The following USP15 variants were observed in gnomAD, a reference collection of about 807,000 sequenced individuals.
USP15 encodes ubiquitin carboxyl-terminal hydrolase 15.
In USP15, 18 loss-of-function variants were observed where a neutral mutation model predicts 127.1. The observed-to-expected ratio is 0.14, with a 90% CI of 0.10 to 0.21. USP15 has a LOEUF of 0.21. USP15 is among the 10% of genes least tolerant of loss of function. The probability of loss-of-function intolerance (pLI) is 1.00; values close to 1 mark genes in which losing one functional copy is unlikely to be tolerated. For missense variants in USP15, 805 were observed against 1,159.9 expected (o/e 0.69, Z 4.44); for synonymous variants, 364 against 393.7 (o/e 0.92, Z 0.89).
intron 2 of USP15, among the ~76,000 whole-genome samples, chr12:62,300,110 T>C (rs1309419705): frequency 6.6e-6 from 1 of 152,142 alleles, no homozygotes; most frequent in Non-Finnish European, 1.5e-5. Flanking sequence ...GCTTTTTATA[T>C]TCTTGATGGT....
Position 62,416,003 on chromosome 12 carries a change from G to C in USP15, c.*11628G>C, listed in dbSNP as rs1383965811. The C allele has an allele frequency of 6.6e-6, 1 of 152,206 alleles. No individual in the cohort carries two copies. The highest frequency in any genetic ancestry group is 1.5e-5 in the Non-Finnish European group (1 of 68,038). 9.4% of individuals were successfully genotyped at this position (152,206 alleles called of 1,614,324 possible). On this transcript the variant is annotated 3_prime_UTR_variant, in exon 22 of 22. Transcript: ENST00000280377. Reference sequence around the variant, plus strand: ...ACTTTCTTTAGCAAGAGAGCAAAGAGTATGGTACAGTCAGTCCACCCAGGT... The same window carrying C: ...ACTTTCTTTAGCAAGAGAGCAAAGACTATGGTACAGTCAGTCCACCCAGGT...
In USP15 at chr12:62,360,962, CA is replaced by C. The variant is rs796917545; in HGVS notation, c.915+5499del. Reference sequence around the variant, plus strand: ...GGTCATCTATCCATTTTGATAAAAGCAAAAAAAAAAAATGTAAACAACCTTA... The same window carrying C: ...GGTCATCTATCCATTTTGATAAAAGCAAAAAAAAAAATGTAAACAACCTTA... On this transcript the variant is annotated intron_variant, in intron 8 of 21. Transcript: ENST00000280377. Among the ~76,000 whole-genome samples the C allele has an allele frequency of 7.5e-3, 1,027 of 137,544 alleles. 9 individuals carry two copies. Among genetic ancestry groups the C allele is most frequent in the African/African-American group, 0.019 (730 of 37,818 alleles). The allele number at this position is 137,544 out of a possible 152,430, so 90.2% of individuals were successfully genotyped here.
chr12:62,305,895 C>T (rs2064471838), intron 3 of USP15: 1 of 152,222 alleles, frequency 6.6e-6, no homozygotes, highest in Non-Finnish European at 1.5e-5. Flanking sequence ...CCGCGGCTTA[C>T]ATCTTGGGTG....
At chr12:62,350,214 C>G (rs2065928848) in intron 7 of USP15, among the ~76,000 whole-genome samples, 1 of 151,526 alleles carries the variant, frequency 6.6e-6, no homozygotes, top group South Asian at 2.1e-4. Flanking sequence ...TGAGTAAATT[C>G]TAAAAGACTA....
chr12:62,374,322 A>G, intron 8 of USP15: 1 of 938,240 alleles, frequency 1.1e-6, no homozygotes, highest in Non-Finnish European at 1.3e-6. Context: ...GATTAGTTAT[A>G]GAATGAGTTA....
chr12:62,265,360 ATTGACTTAT>A (rs1017261323), intron 1 of USP15, among the ~76,000 whole-genome samples: 1 of 152,180 alleles, frequency 6.6e-6, no homozygotes, highest in African/African-American at 2.4e-5. Context: ...ATAAATGCAT[ATTGACTTAT>A]TTACTCATCA....
At chr12:62,382,302 C>T (rs1395354086) in intron 9 of USP15, among the ~76,000 whole-genome samples, 2 of 151,698 alleles carry the variant, frequency 1.3e-5, no homozygotes, top group African/African-American at 4.8e-5. Flanking sequence ...TAAAAAAATG[C>T]CTACTTAATT....
intron 11 of USP15, among the ~76,000 whole-genome samples, chr12:62,388,068 T>C (rs944880619): frequency 4.0e-5 from 6 of 151,728 alleles, no homozygotes; most frequent in African/African-American, 1.5e-4. Context: ...GGTATTCTGC[T>C]GATATTAAGG....
intron 1 of USP15, among the ~76,000 whole-genome samples, chr12:62,272,104 G>A (rs1207228721): frequency 2.0e-5 from 3 of 151,488 alleles, no homozygotes; most frequent in African/African-American, 7.3e-5. Context: ...AATACTAGAT[G>A]CTGCCAGTAT....
At chr12:62,286,966 A>G (rs55938311) in intron 1 of USP15, among the ~76,000 whole-genome samples, 12,099 of 151,742 alleles carry the variant, frequency 0.08, 590 homozygotes, top group Middle Eastern at 0.16. Context: ...ATACATATAT[A>G]CCATGCAATA....
At chr12:62,277,404 T>G (rs997432914) in intron 1 of USP15, 9 of 152,328 alleles carry the variant, frequency 5.9e-5, no homozygotes, top group Admixed American at 5.9e-4. Context: ...GTTACCATAC[T>G]GAATAGTGTA....
chr12:62,302,852 A>C lies in USP15; in HGVS notation c.280A>C (p.Thr94Pro), dbSNP rs1179354492. The C allele has an allele frequency of 6.2e-7, 1 of 1,613,212 alleles. No homozygotes were observed. Among genetic ancestry groups the C allele is most frequent in the Non-Finnish European group, 8.5e-7 (1 of 1,179,388 alleles). ...IDELDYILLP[T>P]EGWNKLVSWY... ...TGAATTGGATTACATACTGTTGCCA[A>C]CTGAAGGTTGGAATAAACTTGTCAG... The change falls in exon 3 of 22, where the codon ACT becomes CCT. Residue 94 changes from threonine to proline, a missense_variant. Transcript: ENST00000280377.
At chr12:62,389,283 C>T in intron 11 of USP15, 148 bp from the exon 12 acceptor site, 1 of 633,376 alleles carries the variant, frequency 1.6e-6, no homozygotes, top group Non-Finnish European at 2.7e-6. Flanking sequence ...TGGGCATTGT[C>T]ACACAGGACC....
At chr12:62,401,602 C>T (rs2137669062) in intron 21 of USP15, among the ~76,000 whole-genome samples, 1 of 151,728 alleles carries the variant, frequency 6.6e-6, no homozygotes, top group East Asian at 1.9e-4. Context: ...TACTTAAAGC[C>T]AGAATGTTTA....
At position 62,314,858 on chromosome 12, in the gene USP15, T is replaced by C; in HGVS notation, c.417T>C (p.Cys139=). 5.6e-6 allele frequency: 9 copies of C among 1,599,286 alleles called. No individual in the cohort carries two copies. The highest frequency in any genetic ancestry group is 7.7e-6 in the Non-Finnish European group (9 of 1,172,820). The change falls in exon 4 of 22, where the codon TGT becomes TGC. Residue 139 remains cysteine, a synonymous_variant. Transcript: ENST00000280377. ...TATATCTCACAGAATTGAAGCTATGTGAAAATGGAAACATGAATAATGTTG... is the reference window on the plus strand; with the variant it reads ...TATATCTCACAGAATTGAAGCTATGCGAAAATGGAAACATGAATAATGTTG... ...VEVYLTELKL[C]ENGNMNNVVT...
At chr12:62,369,460 A>C (rs1188720034) in intron 8 of USP15, among the ~76,000 whole-genome samples, 1 of 136,146 alleles carries the variant, frequency 7.3e-6, no homozygotes. Flanking sequence ...TTTATATGCC[A>C]ACTGGTTTTT....
chr12:62,271,426 G>T (rs1260100773), intron 1 of USP15, among the ~76,000 whole-genome samples: 1 of 151,894 alleles, frequency 6.6e-6, no homozygotes, highest in East Asian at 1.9e-4. Flanking sequence ...TGTTTTGATG[G>T]TATGTATATA....
rs192047943 is a variant in USP15, at chr12:62,401,746, A to G, written c.2763+471A>G. On this transcript the variant is annotated intron_variant, in intron 21 of 21. Transcript: ENST00000280377. Reference sequence around the variant, plus strand: ...CAAATTACAGATTTATAAAAGATTAATACTTGTGTACTTACTACTTTGATA... The same window carrying G: ...CAAATTACAGATTTATAAAAGATTAGTACTTGTGTACTTACTACTTTGATA... Among the ~76,000 whole-genome samples, 571 of 151,918 alleles carry G rather than the reference A, an allele frequency of 3.8e-3. 1 individual carries two copies. The highest frequency in any genetic ancestry group is 5.3e-3 in the Non-Finnish European group (357 of 67,850).
intron 11 of USP15, among the ~76,000 whole-genome samples, chr12:62,384,564 TGG>T (rs1406895486): frequency 6.6e-6 from 1 of 151,694 alleles, no homozygotes; most frequent in South Asian, 2.1e-4. Context: ...TTTATAATAT[TGG>T]GGTGAATATT....
Sources: allele counts gnomAD v4.1 joint callset (sites outside exome capture counted in the v4.1 genomes callset), GRCh38; gene constraint gnomAD v4.1.1; transcripts MANE v1.5; gene names NCBI Gene and HGNC (gene_info 2026-07-23, HGNC 2026-07-21).